DGKI: variants seen among roughly 807,000 people sequenced by gnomAD.
The protein encoded by DGKI is DAG kinase iota.
DGKI carries 55 observed loss-of-function variants against 147.5 expected under a neutral mutation model. The ratio of observed to expected loss-of-function variants is 0.37; its 90% CI spans 0.30 to 0.47. The LOEUF is 0.47. Among genes scored for constraint, DGKI ranks in the 20% least tolerant of loss-of-function variants. The pLI is 1.00. For missense variants in DGKI, 1,007 were observed against 1,323.8 expected, an observed-to-expected ratio of 0.76 and a Z score of 3.71; for synonymous variants, 469 against 477.1, an observed-to-expected ratio of 0.98 and a Z score of 0.22.
intron 1 of DGKI, among the ~76,000 whole-genome samples, chr7:137,776,428 C>A (rs559040644): frequency 1.1e-4 from 16 of 152,310 alleles, no homozygotes; most frequent in Middle Eastern, 3.4e-3. Context: ...GAGAATAGAA[C>A]ATATTTTTAA....
intron 5 of DGKI, among the ~76,000 whole-genome samples, chr7:137,648,044 G>A (rs1252753322): frequency 2.7e-5 from 4 of 147,688 alleles, no homozygotes; most frequent in Admixed American, 2.0e-4. Flanking sequence ...CTGCAAAACA[G>A]GGCTCACGCT....
At chr7:137,644,002 C>A (rs1428129282) in intron 6 of DGKI, among the ~76,000 whole-genome samples, 1 of 152,048 alleles carries the variant, frequency 6.6e-6, no homozygotes, top group Non-Finnish European at 1.5e-5. Context: ...ATACTGTTAC[C>A]CTCACATGCA....
At chr7:137,599,773 C>A in intron 11 of DGKI, 50 bp downstream of exon 11, 1 of 1,556,970 alleles carries the variant, frequency 6.4e-7, no homozygotes, top group Non-Finnish European at 8.8e-7. Flanking sequence ...GCAGAAAATT[C>A]TCACTTGCCT....
chr7:137,623,596 C>T, intron 6 of DGKI, 42 bp from the exon 7 acceptor site: 1 of 1,562,140 alleles, frequency 6.4e-7, no homozygotes, highest in East Asian at 2.2e-5. Flanking sequence ...AAAACCACCT[C>T]AGTTACAGCG....
At chr7:137,600,188 G>A (rs1398055846) in intron 10 of DGKI, among the ~76,000 whole-genome samples, 1 of 152,010 alleles carries the variant, frequency 6.6e-6, no homozygotes, top group Non-Finnish European at 1.5e-5. Context: ...GGCGGAGTGT[G>A]CAGTGAGCCG....
At chr7:137,478,325 G>T (rs1470675488) in intron 23 of DGKI, among the ~76,000 whole-genome samples, 1 of 152,148 alleles carries the variant, frequency 6.6e-6, no homozygotes, top group African/African-American at 2.4e-5. Flanking sequence ...TTTTATGCTC[G>T]CACATTCTTA....
chr7:137,538,794 A>G (rs77153929), intron 20 of DGKI, among the ~76,000 whole-genome samples: 3,410 of 152,312 alleles, frequency 0.022, 147 homozygotes, highest in East Asian at 0.11. Context: ...TAAAGCAGCT[A>G]TTTGAGAACT....
At chr7:137,560,602 T>A (rs1357156717) in intron 19 of DGKI, among the ~76,000 whole-genome samples, 1 of 152,200 alleles carries the variant, frequency 6.6e-6, no homozygotes. Context: ...CAGGTGTAAG[T>A]AAACTAAGGT....
chr7:137,494,307 A>G (rs914677555), intron 21 of DGKI, among the ~76,000 whole-genome samples: 3 of 152,224 alleles, frequency 2.0e-5, no homozygotes, highest in Admixed American at 6.5e-5. Context: ...GTTCAAATTC[A>G]GGAAATGAAG....
rs535836935 is a variant in DGKI, at chr7:137,385,312, A to C, written c.*5908T>G. The C allele has an allele frequency of 6.6e-5, 10 of 152,068 alleles. No homozygotes were observed. The highest frequency in any genetic ancestry group is 1.3e-4 in the Non-Finnish European group (9 of 67,974). 9.4% of individuals were successfully genotyped at this position (152,068 alleles called of 1,614,324 possible). ...GATATTTTTAAAATTCTCAGTTATAAAGCAAAGTTTAACAAATCAAAAATC... is the reference window on the plus strand; with the variant it reads ...GATATTTTTAAAATTCTCAGTTATACAGCAAAGTTTAACAAATCAAAAATC... On this transcript the variant is annotated 3_prime_UTR_variant, in exon 33 of 33. Transcript: ENST00000614521.
intron 27 of DGKI, among the ~76,000 whole-genome samples, chr7:137,451,765 A>C (rs1182099229): frequency 1.3e-5 from 2 of 152,216 alleles, no homozygotes; most frequent in African/African-American, 4.8e-5. Flanking sequence ...AATGATCAAA[A>C]CTTACAAGCT....
intron 1 of DGKI, among the ~76,000 whole-genome samples, chr7:137,698,450 G>A (rs1440412782): frequency 6.6e-6 from 1 of 152,082 alleles, no homozygotes. Flanking sequence ...AGAAGTTCTG[G>A]AGCTGGATTG....
chr7:137,537,016 T>A, intron 20 of DGKI, among the ~76,000 whole-genome samples: 1 of 152,352 alleles, frequency 6.6e-6, no homozygotes, highest in South Asian at 2.1e-4. Flanking sequence ...TAACCATTAT[T>A]TCTTTTCTTT....
At chr7:137,445,963 G>C (rs1813697588) in intron 27 of DGKI, among the ~76,000 whole-genome samples, 1 of 152,202 alleles carries the variant, frequency 6.6e-6, no homozygotes, top group African/African-American at 2.4e-5. Context: ...TTTTAAGTAA[G>C]ATGAGCTAAT....
At chr7:137,489,302 G>T (rs1180275122) in intron 21 of DGKI, among the ~76,000 whole-genome samples, 6 of 152,174 alleles carry the variant, frequency 3.9e-5, no homozygotes, top group Admixed American at 2.0e-4. Context: ...TCTTTCAGGT[G>T]CAAGTCACCT....
intron 28 of DGKI, among the ~76,000 whole-genome samples, chr7:137,434,355 A>G (rs4728413): frequency 0.43 from 64,795 of 151,928 alleles, 14,420 homozygotes; most frequent in East Asian, 0.75. Context: ...CAAGGCAGGC[A>G]GATTGCCTGA....
rs1165141657 is a variant in DGKI, at chr7:137,383,317, T to C, written c.*7903A>G. On this transcript the variant is annotated 3_prime_UTR_variant, in exon 33 of 33. Coordinates refer to ENST00000614521, the MANE Select transcript of DGKI (RefSeq NM_001321708.2). Reference sequence around the variant, plus strand: ...AAATCTCCTAAAAAAGATATGTTTCTACTAAAGCATAGGTGTGTTTGTGTA... The same window carrying C: ...AAATCTCCTAAAAAAGATATGTTTCCACTAAAGCATAGGTGTGTTTGTGTA... The C allele has an allele frequency of 1.3e-5, 2 of 151,724 alleles. No individual in the cohort carries two copies. The highest frequency in any genetic ancestry group is 4.8e-5 in the African/African-American group (2 of 41,376). The allele number at this position is 151,724 out of a possible 1,614,324, so 9.4% of individuals were successfully genotyped here. A position where few individuals can be genotyped will look rare whatever the true frequency, so the allele number is the denominator to read the frequency against.
At chr7:137,544,551 A>G (rs1355944409) in intron 20 of DGKI, among the ~76,000 whole-genome samples, 1 of 152,250 alleles carries the variant, frequency 6.6e-6, no homozygotes, top group Non-Finnish European at 1.5e-5. Context: ...ATTTTAAATA[A>G]TAAGTAAATT....
intron 6 of DGKI, among the ~76,000 whole-genome samples, chr7:137,634,058 A>G (rs1208646211): frequency 1.3e-5 from 2 of 152,270 alleles, no homozygotes; most frequent in East Asian, 3.8e-4. Context: ...TCTAGGGGTC[A>G]GTAGTCCAAG....
Sources: gnomAD v4.1 joint callset for allele counts (sites outside exome capture counted in the v4.1 genomes callset) on GRCh38, gnomAD v4.1.1 for gene constraint, MANE v1.5 for transcripts, NCBI Gene and HGNC (gene_info 2026-07-23, HGNC 2026-07-21) for gene names.